Variants in PPIL6 observed in about 807,000 individuals in gnomAD.
PPIL6 encodes the protein probable inactive peptidyl-prolyl cis-trans isomerase-like 6.
In PPIL6, 39 loss-of-function variants were observed where a neutral mutation model predicts 36.8. The observed-to-expected ratio is 1.06, with a 90% CI of 0.82 to 1.38. The LOEUF (loss-of-function observed/expected upper bound fraction) is 1.38, where lower values mean the gene tolerates loss of function less well. PPIL6 is among the 40% of genes most tolerant of loss of function. The pLI is 0.00. For synonymous variants in PPIL6, 123 were observed against 134.1 expected (o/e 0.92, Z 0.57); for missense variants, 368 against 379.1 (o/e 0.97, Z 0.24).
chr6:109,441,169 C>CTGG (rs774554964), upstream of PPIL6: 2 of 1,614,152 alleles, frequency 1.2e-6, no homozygotes, highest in South Asian at 2.2e-5. Context: ...ACCTCAACTG[C>CTGG]TGGTGAGTGC....
chr6:109,400,861 T>A (rs529511268), intron 6 of PPIL6, among the ~76,000 whole-genome samples: 4 of 150,362 alleles, frequency 2.7e-5, no homozygotes, highest in African/African-American at 4.9e-5. Context: ...TCAAATAAAA[T>A]TTTTTTTTTG....
At chr6:109,420,557 C>G (rs912506732) in intron 5 of PPIL6, among the ~76,000 whole-genome samples, 18 of 152,138 alleles carry the variant, frequency 1.2e-4, no homozygotes, top group African/African-American at 4.3e-4. Flanking sequence ...ACTCCATGAA[C>G]AAGTTATTTT....
intron 5 of PPIL6, among the ~76,000 whole-genome samples, chr6:109,420,719 ATATT>A (rs891440609): frequency 1.2e-4 from 18 of 152,332 alleles, no homozygotes; most frequent in African/African-American, 4.3e-4. Context: ...TGCTCAATAA[ATATT>A]TATTGAAGGA....
chr6:109,427,569 T>C (rs1379121674), intron 3 of PPIL6, among the ~76,000 whole-genome samples: 1 of 152,004 alleles, frequency 6.6e-6, no homozygotes, highest in Non-Finnish European at 1.5e-5. Context: ...GTATTTTTGA[T>C]AGAGATGGGG....
intron 2 of PPIL6, among the ~76,000 whole-genome samples, chr6:109,434,243 G>A (rs117618234): frequency 0.018 from 2,754 of 152,250 alleles, 64 homozygotes; most frequent in East Asian, 0.069. Flanking sequence ...TGTCACCCGA[G>A]TTGTTGGAAG....
intron 7 of PPIL6, among the ~76,000 whole-genome samples, chr6:109,397,218 CAGAA>C (rs1772337148): frequency 1.5e-5 from 2 of 134,062 alleles, no homozygotes; most frequent in African/African-American, 2.7e-5. Flanking sequence ...GGCAGAATAG[CAGAA>C]TAGAAGGAGG....
At chr6:109,424,401 C>T (rs1352637089) in intron 5 of PPIL6, among the ~76,000 whole-genome samples, 2 of 152,142 alleles carry the variant, frequency 1.3e-5, no homozygotes, top group African/African-American at 2.4e-5. Flanking sequence ...GAGGGGCAGG[C>T]AGTGTTGACT....
intron 7 of PPIL6, among the ~76,000 whole-genome samples, chr6:109,398,374 T>C (rs1330303285): frequency 6.6e-6 from 1 of 152,210 alleles, no homozygotes. Context: ...CAGAAAGCAT[T>C]ACACTAAAGG....
chr6:109,434,430 T>G (rs985078398), intron 2 of PPIL6, among the ~76,000 whole-genome samples: 31 of 152,174 alleles, frequency 2.0e-4, no homozygotes, highest in Non-Finnish European at 3.8e-4. Context: ...TGTGTTTGTG[T>G]GTGTGTGTGG....
At chr6:109,428,272 A>AT (rs1285517720) in intron 3 of PPIL6, among the ~76,000 whole-genome samples, 1 of 152,120 alleles carries the variant, frequency 6.6e-6, no homozygotes, top group African/African-American at 2.4e-5. Context: ...CTACATTAAA[A>AT]TGCCACCCTG....
At chr6:109,431,098 G>A (rs1774121295) in intron 3 of PPIL6, 59 bp downstream of exon 3, 2 of 1,186,360 alleles carry the variant, frequency 1.7e-6, no homozygotes, top group South Asian at 1.5e-5. Flanking sequence ...AATTAATGCT[G>A]AATCAATATA....
At chr6:109,414,299 A>C (rs980650348) in intron 6 of PPIL6, among the ~76,000 whole-genome samples, 1 of 151,984 alleles carries the variant, frequency 6.6e-6, no homozygotes, top group African/African-American at 2.4e-5. Flanking sequence ...TTCTTTTAGG[A>C]CATATGTTGT....
intron 6 of PPIL6, among the ~76,000 whole-genome samples, chr6:109,405,555 C>G (rs1018137163): frequency 3.3e-5 from 5 of 152,200 alleles, no homozygotes; most frequent in Admixed American, 3.3e-4. Context: ...TGCTATAATA[C>G]TTGTTTTGAA....
chr6:109,401,274 G>A (rs1238083803), intron 6 of PPIL6, among the ~76,000 whole-genome samples: 1 of 152,106 alleles, frequency 6.6e-6, no homozygotes, highest in East Asian at 1.9e-4. Flanking sequence ...AGTAAAAAGA[G>A]TTGTATGGTG....
intron 6 of PPIL6, among the ~76,000 whole-genome samples, chr6:109,414,374 T>C (rs993218764): frequency 1.3e-5 from 2 of 152,200 alleles, no homozygotes; most frequent in African/African-American, 4.8e-5. Context: ...CTTTCATTGC[T>C]TTCCTCAGCC....
intron 7 of PPIL6, among the ~76,000 whole-genome samples, chr6:109,395,929 GGGTTGACA>G (rs1294533834): frequency 4.0e-5 from 6 of 150,348 alleles, no homozygotes; most frequent in Non-Finnish European, 5.9e-5. Flanking sequence ...TCCGCCTCCC[GGGTTGACA>G]CCATTCTGCC....
intron 6 of PPIL6, among the ~76,000 whole-genome samples, chr6:109,407,003 G>A (rs1366996020): frequency 6.6e-6 from 1 of 152,134 alleles, no homozygotes; most frequent in East Asian, 1.9e-4. Context: ...TAGAACATGA[G>A]GTTCCAGGCT....
chr6:109,420,589 AG>A (rs1215051780), intron 5 of PPIL6, among the ~76,000 whole-genome samples: 1 of 152,176 alleles, frequency 6.6e-6, no homozygotes, highest in East Asian at 1.9e-4. Flanking sequence ...CAGCTAAAAG[AG>A]GAGCAAAGCT....
intron 3 of PPIL6, among the ~76,000 whole-genome samples, chr6:109,428,312 G>C (rs535513279): frequency 3.9e-5 from 6 of 151,980 alleles, no homozygotes; most frequent in African/African-American, 1.4e-4. Flanking sequence ...GCACTTTAGG[G>C]GGCCAAGGTG....
Sources: allele counts gnomAD v4.1 joint callset (sites outside exome capture counted in the v4.1 genomes callset), GRCh38; gene constraint gnomAD v4.1.1; transcripts MANE v1.5; gene names NCBI Gene and HGNC (gene_info 2026-07-23, HGNC 2026-07-21).